Variants in RAP1GDS1 observed in about 807,000 individuals in gnomAD.
RAP1GDS1 encodes Rap1 GTPase-GDP dissociation stimulator 1.
A neutral mutation model predicts 71.1 loss-of-function variants in RAP1GDS1; 35 were observed. That is an observed-to-expected ratio of 0.49 (90% CI 0.38 to 0.65). The LOEUF (loss-of-function observed/expected upper bound fraction) is 0.65. Among genes scored for constraint, RAP1GDS1 ranks in the 30% least tolerant of loss-of-function variants. RAP1GDS1 has a pLI of 0.00. For synonymous variants in RAP1GDS1, 229 were observed against 243.1 expected, an observed-to-expected ratio of 0.94 and a Z score of 0.54; for missense variants, 663 against 706.1, an observed-to-expected ratio of 0.94 and a Z score of 0.69.
chr4:98,415,548 A>G (rs575029821), intron 7 of RAP1GDS1, among the ~76,000 whole-genome samples: 7 of 152,312 alleles, frequency 4.6e-5, no homozygotes, highest in Non-Finnish European at 1.0e-4. Context: ...CACAACATAT[A>G]TCTGCTCAGG....
At chr4:98,282,659 T>C (rs1466519166) in intron 1 of RAP1GDS1, among the ~76,000 whole-genome samples, 1 of 151,998 alleles carries the variant, frequency 6.6e-6, no homozygotes, top group African/African-American at 2.4e-5. Flanking sequence ...TGCCTTCTGC[T>C]AGCTTTTGAA....
intron 7 of RAP1GDS1, among the ~76,000 whole-genome samples, chr4:98,410,210 G>A (rs1420226893): frequency 6.6e-6 from 1 of 152,068 alleles, no homozygotes; most frequent in Non-Finnish European, 1.5e-5. Context: ...AACTGACAGA[G>A]GGCTTGTGTA....
At chr4:98,333,889 G>T (rs1379907355) in intron 2 of RAP1GDS1, among the ~76,000 whole-genome samples, 5 of 152,068 alleles carry the variant, frequency 3.3e-5, no homozygotes, top group Non-Finnish European at 5.9e-5. Context: ...TCTTACCAAA[G>T]AATTATACCA....
chr4:98,357,553 C>T (rs1346422058), intron 4 of RAP1GDS1, among the ~76,000 whole-genome samples: 3 of 151,674 alleles, frequency 2.0e-5, no homozygotes, highest in Non-Finnish European at 4.4e-5. Flanking sequence ...CAAGCATATG[C>T]CATTAAAGAG....
chr4:98,271,411 T>C (rs1723435885), intron 1 of RAP1GDS1, among the ~76,000 whole-genome samples: 1 of 152,158 alleles, frequency 6.6e-6, no homozygotes, highest in Non-Finnish European at 1.5e-5. Flanking sequence ...TGGCTGTCAA[T>C]TTCCTGTGGT....
In RAP1GDS1 at chr4:98,324,096, A is replaced by G. The variant is rs565895511; in HGVS notation, c.113-19043A>G. Reference sequence around the variant, plus strand: ...GTCTCAGGATACAAAATCAATGTACAAAAATCACAAGCATTCTTATACACC... The same window carrying G: ...GTCTCAGGATACAAAATCAATGTACGAAAATCACAAGCATTCTTATACACC... On this transcript the variant is annotated intron_variant, in intron 2 of 14. Coordinates refer to ENST00000408927, the MANE Select transcript of RAP1GDS1 (RefSeq NM_001100427.2). 4.1e-4 allele frequency among the ~76,000 whole-genome samples: 62 copies of G among 151,108 alleles called. 1 individual carries two copies. In the East Asian group the frequency reaches 0.012, roughly 29 times the overall value.
At chr4:98,325,029 A>G (rs924820906) in intron 2 of RAP1GDS1, among the ~76,000 whole-genome samples, 3 of 150,646 alleles carry the variant, frequency 2.0e-5, no homozygotes, top group African/African-American at 7.3e-5. Context: ...TCATCTGACA[A>G]AGGGCTAATA....
At chr4:98,307,433 T>A (rs1729487393) in intron 2 of RAP1GDS1, among the ~76,000 whole-genome samples, 1 of 152,170 alleles carries the variant, frequency 6.6e-6, no homozygotes, top group Admixed American at 6.6e-5. Context: ...AAAATCCTAT[T>A]GGAATTGTAA....
At chr4:98,367,312 C>T (rs1471033689) in intron 4 of RAP1GDS1, among the ~76,000 whole-genome samples, 3 of 152,192 alleles carry the variant, frequency 2.0e-5, no homozygotes, top group African/African-American at 7.2e-5. Context: ...GGAACCTCCA[C>T]CTACATTGCA....
intron 2 of RAP1GDS1, among the ~76,000 whole-genome samples, chr4:98,299,927 G>A (rs887449572): frequency 6.6e-6 from 1 of 151,996 alleles, no homozygotes; most frequent in African/African-American, 2.4e-5. Context: ...CCTCGAAAGT[G>A]GTTTTTTGAG....
intron 2 of RAP1GDS1, among the ~76,000 whole-genome samples, chr4:98,332,534 G>C (rs1447534790): frequency 6.6e-6 from 1 of 152,168 alleles, no homozygotes; most frequent in Admixed American, 6.5e-5. Context: ...GGAGAAAGGA[G>C]GAGAGCAGAA....
chr4:98,320,916 A>G (rs1731751564), intron 2 of RAP1GDS1, among the ~76,000 whole-genome samples: 1 of 104,514 alleles, frequency 9.6e-6, no homozygotes, highest in African/African-American at 3.8e-5. Flanking sequence ...ACAAAGCTGG[A>G]TGGAGAATGA....
chr4:98,287,232 C>CT (rs1224996875), intron 1 of RAP1GDS1, among the ~76,000 whole-genome samples: 1 of 151,926 alleles, frequency 6.6e-6, no homozygotes, highest in Non-Finnish European at 1.5e-5. Flanking sequence ...AACTATAAAA[C>CT]TAACAAAATG....
intron 7 of RAP1GDS1, among the ~76,000 whole-genome samples, chr4:98,405,686 C>T (rs536967050): frequency 4.2e-4 from 64 of 151,870 alleles, no homozygotes; most frequent in Non-Finnish European, 8.1e-4. Flanking sequence ...ATGTAGAAAA[C>T]CAATGACCAA....
intron 1 of RAP1GDS1, among the ~76,000 whole-genome samples, chr4:98,279,725 C>T (rs1560763252): frequency 6.6e-6 from 1 of 152,062 alleles, no homozygotes; most frequent in South Asian, 2.1e-4. Context: ...TCATCATTTA[C>T]ATTAGGTATT....
At chr4:98,377,959 T>C (rs569150848) in intron 4 of RAP1GDS1, among the ~76,000 whole-genome samples, 105 of 152,006 alleles carry the variant, frequency 6.9e-4, no homozygotes, top group African/African-American at 2.4e-3. Flanking sequence ...GAAGATATAT[T>C]GTGAAGATGA....
At chr4:98,353,907 A>T (rs1349810820) in intron 4 of RAP1GDS1, among the ~76,000 whole-genome samples, 1 of 152,170 alleles carries the variant, frequency 6.6e-6, no homozygotes, top group Non-Finnish European at 1.5e-5. Flanking sequence ...TTATATATTT[A>T]TATGATTAAT....
intron 2 of RAP1GDS1, among the ~76,000 whole-genome samples, chr4:98,340,132 G>T (rs1371346701): frequency 6.6e-6 from 1 of 152,138 alleles, no homozygotes; most frequent in Non-Finnish European, 1.5e-5. Flanking sequence ...ATTTTACAAA[G>T]AACTTAAAAC....
intron 1 of RAP1GDS1, among the ~76,000 whole-genome samples, chr4:98,290,117 A>G (rs1005317470): frequency 6.6e-6 from 1 of 152,152 alleles, no homozygotes; most frequent in Non-Finnish European, 1.5e-5. Context: ...TCCAAAGATA[A>G]CAAACACATA....
Sources: allele counts gnomAD v4.1 joint callset (sites outside exome capture counted in the v4.1 genomes callset), GRCh38; gene constraint gnomAD v4.1.1; transcripts MANE v1.5; gene names NCBI Gene and HGNC (gene_info 2026-07-23, HGNC 2026-07-21).